Variants in SLC24A2 observed in about 807,000 individuals in gnomAD.
SLC24A2 encodes solute carrier family 24 member 2.
In SLC24A2, 36 loss-of-function variants were observed where a neutral mutation model predicts 62.0. That is an observed-to-expected ratio of 0.58 (90% CI 0.44 to 0.77). The LOEUF (loss-of-function observed/expected upper bound fraction) is 0.77, where lower values mean the gene tolerates loss of function less well. SLC24A2 is among the 30% of genes least tolerant of loss of function. The pLI is 0.00. For synonymous variants in SLC24A2, 358 were observed against 294.0 expected (o/e 1.22, Z -2.23); for missense variants, 846 against 817.9 (o/e 1.03, Z -0.42).
the SLC24A2 span, among the ~76,000 whole-genome samples, chr9:19,811,483 T>C: frequency 6.6e-6 from 1 of 152,224 alleles, no homozygotes; most frequent in Non-Finnish European, 1.5e-5. Flanking sequence ...TTGACTTACC[T>C]ATTTTTCTAT....
intron 2 of SLC24A2, among the ~76,000 whole-genome samples, chr9:19,633,824 G>A (rs1587068542): frequency 1.3e-5 from 2 of 152,192 alleles, no homozygotes; most frequent in Non-Finnish European, 1.5e-5. Context: ...TGGGTTCCTT[G>A]TATATTCTAG....
At chr9:19,734,172 G>C (rs548696054) in intron 2 of SLC24A2, among the ~76,000 whole-genome samples, 2 of 152,226 alleles carry the variant, frequency 1.3e-5, no homozygotes, top group African/African-American at 2.4e-5. Flanking sequence ...TTTTTGTCAG[G>C]TTTGTCAAAG....
the SLC24A2 span, among the ~76,000 whole-genome samples, chr9:19,880,844 G>A: frequency 6.6e-6 from 1 of 152,106 alleles, no homozygotes; most frequent in Non-Finnish European, 1.5e-5. Flanking sequence ...GACTTCAAAG[G>A]AGTCGCAGGA....
the SLC24A2 span, among the ~76,000 whole-genome samples, chr9:19,891,718 C>T: frequency 6.6e-6 from 1 of 152,098 alleles, no homozygotes; most frequent in Non-Finnish European, 1.5e-5. Flanking sequence ...TGCACTCCAT[C>T]CTGGGTGACA....
the SLC24A2 span, among the ~76,000 whole-genome samples, chr9:19,843,550 G>A: frequency 5.3e-5 from 8 of 152,076 alleles, no homozygotes; most frequent in East Asian, 3.9e-4. Context: ...TAGATTCAGG[G>A]GGTCCATGTG....
At chr9:20,274,247 AG>A in the SLC24A2 span, among the ~76,000 whole-genome samples, 1 of 152,030 alleles carries the variant, frequency 6.6e-6, no homozygotes, top group Non-Finnish European at 1.5e-5. Flanking sequence ...AAAACAGGGG[AG>A]GGGGACCAGG....
chr9:20,065,404 T>C, the SLC24A2 span, among the ~76,000 whole-genome samples: 1 of 152,258 alleles, frequency 6.6e-6, no homozygotes, highest in South Asian at 2.1e-4. Context: ...AAAATGCCAG[T>C]CCCAATATCC....
At chr9:20,232,451 G>A in the SLC24A2 span, among the ~76,000 whole-genome samples, 1 of 152,164 alleles carries the variant, frequency 6.6e-6, no homozygotes, top group East Asian at 1.9e-4. Context: ...ACTTCTTCCT[G>A]GTTTAGTCTT....
intron 7 of SLC24A2, among the ~76,000 whole-genome samples, chr9:19,562,113 G>A (rs1835433538): frequency 6.6e-6 from 1 of 152,154 alleles, no homozygotes; most frequent in African/African-American, 2.4e-5. Context: ...GCAACTTATG[G>A]ATGAGACTGA....
At chr9:20,295,462 C>T in the SLC24A2 span, among the ~76,000 whole-genome samples, 1 of 152,066 alleles carries the variant, frequency 6.6e-6, no homozygotes, top group African/African-American at 2.4e-5. Context: ...TTAAGGAATA[C>T]CTAGAAACCT....
At chr9:20,173,678 C>G in the SLC24A2 span, among the ~76,000 whole-genome samples, 1 of 152,058 alleles carries the variant, frequency 6.6e-6, no homozygotes, top group Non-Finnish European at 1.5e-5. Context: ...AACTACAAAA[C>G]ACTGCTGAAA....
At position 19,565,924 on chromosome 9, in the gene SLC24A2, G is replaced by A. The variant is rs1292070095; in HGVS notation, c.1347+7427C>T. Among the ~76,000 whole-genome samples the A allele has an allele frequency of 2.0e-5, 3 of 150,392 alleles. 1 individual carries two copies. Among genetic ancestry groups the A allele is most frequent in the African/African-American group, 7.6e-5 (3 of 39,716 alleles). On this transcript the variant is annotated intron_variant, in intron 7 of 10. Transcript: ENST00000341998. ...ACTGGCTCGCTATATATAGAAAGCTGAAACTGGATCCCTTCCTTACACCTT... is the reference window on the plus strand; with the variant it reads ...ACTGGCTCGCTATATATAGAAAGCTAAAACTGGATCCCTTCCTTACACCTT...
At chr9:19,988,648 A>G in the SLC24A2 span, among the ~76,000 whole-genome samples, 2 of 152,162 alleles carry the variant, frequency 1.3e-5, no homozygotes, top group African/African-American at 4.8e-5. Flanking sequence ...TAAAGGTGAC[A>G]CCCTAAGGAC....
chr9:19,581,444 C>T (rs1220208260), intron 5 of SLC24A2, among the ~76,000 whole-genome samples: 1 of 152,084 alleles, frequency 6.6e-6, no homozygotes, highest in African/African-American at 2.4e-5. Context: ...GTTCTTAACC[C>T]CTCTCCACCT....
chr9:20,262,328 G>A, the SLC24A2 span, among the ~76,000 whole-genome samples: 7 of 152,176 alleles, frequency 4.6e-5, no homozygotes, highest in South Asian at 6.2e-4. Context: ...CCCAGCAGCC[G>A]AAGTTTCCTT....
At chr9:19,596,986 G>C (rs1040497805) in intron 5 of SLC24A2, among the ~76,000 whole-genome samples, 4 of 152,158 alleles carry the variant, frequency 2.6e-5, no homozygotes, top group African/African-American at 9.7e-5. Flanking sequence ...TTCTCTGAGT[G>C]TGTTACATAA....
the SLC24A2 span, among the ~76,000 whole-genome samples, chr9:19,855,282 C>T: frequency 4.2e-3 from 638 of 152,176 alleles, 5 homozygotes; most frequent in African/African-American, 0.014. Context: ...GAATTTAGCC[C>T]ACTTATATTT....
chr9:20,124,319 G>T, the SLC24A2 span, among the ~76,000 whole-genome samples: 1 of 148,918 alleles, frequency 6.7e-6, no homozygotes, highest in South Asian at 2.1e-4. Flanking sequence ...AAAAAAAAAA[G>T]AATCTGATTC....
intron 5 of SLC24A2, among the ~76,000 whole-genome samples, chr9:19,582,977 C>T (rs551616569): frequency 6.6e-6 from 1 of 152,254 alleles, no homozygotes; most frequent in South Asian, 2.1e-4. Flanking sequence ...TGAGTCTCCC[C>T]CTTCTACCCT....
Sources: gnomAD v4.1 joint callset for allele counts (sites outside exome capture counted in the v4.1 genomes callset) on GRCh38, gnomAD v4.1.1 for gene constraint, MANE v1.5 for transcripts, NCBI Gene and HGNC (gene_info 2026-07-23, HGNC 2026-07-21) for gene names.